Variants in FAIM2 observed in about 807,000 individuals in gnomAD.
FAIM2 encodes the protein Fas apoptotic inhibitory molecule 2.
Under a neutral mutation model 47.4 loss-of-function variants are expected in FAIM2, and 27 were observed. The observed-to-expected ratio is 0.57, with a 90% CI of 0.42 to 0.78. FAIM2 has a LOEUF of 0.78. Among genes scored for constraint, FAIM2 ranks in the 30% least tolerant of loss-of-function variants. The pLI is 0.00. For synonymous variants in FAIM2, 156 were observed against 159.3 expected (o/e 0.98, Z 0.16); for missense variants, 311 against 389.4 (o/e 0.80, Z 1.69).
rs1196561714 is a variant in FAIM2 at position 49,878,661 on chromosome 12, T to TGGCGC, written c.802-8009_802-8008insGCGCC. 6.8e-4 allele frequency among the ~76,000 whole-genome samples: 93 copies of TGGCGC among 136,014 alleles called. 6 individuals are homozygous for TGGCGC. The highest frequency in any genetic ancestry group is 2.5e-3 in the African/African-American group (90 of 35,378). The allele number at this position is 136,014 out of a possible 152,430, so 89.2% of individuals were successfully genotyped here. A position where few individuals can be genotyped will look rare whatever the true frequency, so the allele number is the denominator to read the frequency against. On this transcript the variant is annotated intron_variant, in intron 11 of 11. Coordinates refer to ENST00000320634, the MANE Select transcript of FAIM2 (RefSeq NM_012306.4). ...GCCCTTGTATATATGTGCGCTTGTA[T>TGGCGC]GTGCATGTGTGTATGTGTGTATATG...
chr12:49,879,241 CAT>C (rs1565613847), intron 11 of FAIM2, among the ~76,000 whole-genome samples: 3 of 104,328 alleles, frequency 2.9e-5, no homozygotes, highest in African/African-American at 1.4e-4. Context: ...TGTATGCATG[CAT>C]GTGTGTGCAT....
chr12:49,897,001 GA>G, intron 5 of FAIM2, 29 bp downstream of exon 5: 1 of 1,589,132 alleles, frequency 6.3e-7, no homozygotes, highest in Non-Finnish European at 8.6e-7. Context: ...GCCTTCTCTG[GA>G]AGGGGACTGG....
intron 11 of FAIM2, among the ~76,000 whole-genome samples, chr12:49,878,342 G>A (rs1323644806): frequency 7.3e-6 from 1 of 136,254 alleles, no homozygotes; most frequent in African/African-American, 2.8e-5. Flanking sequence ...GCATGTGAGT[G>A]TATGTGTGTG....
At position 49,882,946 on chromosome 12, in the gene FAIM2, G is replaced by A. The variant is rs116944906; in HGVS notation, c.801+4440C>T. ...AGAAAAATACATAGTGTGTCAGAAT[G>A]AGATGCGCTACAGAGAGAGGGAAAT... is the stretch of plus-strand genomic sequence containing the variant. On this transcript the variant is annotated intron_variant, in intron 11 of 11. Transcript: ENST00000320634. Among the ~76,000 whole-genome samples, 781 of 152,312 alleles carry A rather than the reference G, an allele frequency of 5.1e-3. 4 individuals are homozygous for A. The highest frequency in any genetic ancestry group is 8.0e-3 in the Non-Finnish European group (547 of 68,030).
intron 11 of FAIM2, among the ~76,000 whole-genome samples, chr12:49,879,553 T>C (rs1040613093): frequency 6.6e-6 from 1 of 151,628 alleles, no homozygotes; most frequent in Non-Finnish European, 1.5e-5. Context: ...TGTATGGGTG[T>C]ATGTGCATGC....
At chr12:49,879,787 T>A (rs904249676) in intron 11 of FAIM2, among the ~76,000 whole-genome samples, 1 of 151,298 alleles carries the variant, frequency 6.6e-6, no homozygotes, top group South Asian at 2.1e-4. Flanking sequence ...TATGTGCATG[T>A]GTGTATGTGT....
At chr12:49,889,855 G>C (rs528385393) in intron 8 of FAIM2, among the ~76,000 whole-genome samples, 4 of 152,132 alleles carry the variant, frequency 2.6e-5, no homozygotes, top group Non-Finnish European at 4.4e-5. Context: ...GTAACTGCAG[G>C]TCATGAGTCT....
rs546785192 is a variant in FAIM2, at chr12:49,884,517, G to A, written c.801+2869C>T. ...GCAATACTGATGACAGAGAGAGAGAGAAAAATTCCTGGAGAGAACTCCTCA... is the reference window on the plus strand; with the variant it reads ...GCAATACTGATGACAGAGAGAGAGAAAAAAATTCCTGGAGAGAACTCCTCA... On this transcript the variant is annotated intron_variant, in intron 11 of 11. Transcript: ENST00000320634. Among the ~76,000 whole-genome samples, 131 of 152,254 alleles carry A rather than the reference G, an allele frequency of 8.6e-4. 1 individual carries two copies. The highest frequency in any genetic ancestry group is 2.8e-3 in the African/African-American group (116 of 41,534).
At chr12:49,885,994 TC>T (rs1263537661) in intron 11 of FAIM2, among the ~76,000 whole-genome samples, 1 of 152,074 alleles carries the variant, frequency 6.6e-6, no homozygotes, top group Non-Finnish European at 1.5e-5. Context: ...CACAGCTCTC[TC>T]CCCATCCCTT....
At chr12:49,902,101 G>A (rs1175695526) in intron 1 of FAIM2, 1 of 152,260 alleles carries the variant, frequency 6.6e-6, no homozygotes, top group African/African-American at 2.4e-5. Context: ...TCACTGAACA[G>A]ATGAGGAAAC....
intron 2 of FAIM2, chr12:49,900,373 G>A: frequency 2.9e-6 from 1 of 346,412 alleles, no homozygotes; most frequent in Admixed American, 4.1e-5. Context: ...AGGGGCTAAG[G>A]AGGATTTCCT....
chr12:49,878,229 TGA>T lies in FAIM2; in HGVS notation c.802-7578_802-7577del, dbSNP rs1448737098. Among the ~76,000 whole-genome samples, 9 of 132,386 alleles carry T rather than the reference TGA, an allele frequency of 6.8e-5. 3 individuals carry two copies. The highest frequency in any genetic ancestry group is 1.7e-4 in the Admixed American group (2 of 11,550). The allele number at this position is 132,386 out of a possible 152,430, so 86.9% of individuals were successfully genotyped here. A position where few individuals can be genotyped will look rare whatever the true frequency, so the allele number is the denominator to read the frequency against. ...GTATGTGCTTGTGTGTATATGTGCATGAGTGTATGTGTGTATATGTGAGTGTA... is the reference window on the plus strand; with the variant it reads ...GTATGTGCTTGTGTGTATATGTGCATGTGTATGTGTGTATATGTGAGTGTA... On this transcript the variant is annotated intron_variant, in intron 11 of 11. Transcript: ENST00000320634.
Position 49,874,704 on chromosome 12 carries a change from G to A in FAIM2, c.802-4051C>T, listed in dbSNP as rs1946724292. 6.6e-6 allele frequency among the ~76,000 whole-genome samples: 1 copy of A among 152,226 alleles called. No homozygotes were observed. The highest frequency in any genetic ancestry group is 1.5e-5 in the Non-Finnish European group (1 of 68,044). ...GAATACAAAAAGCTGGGGTTGCAAT[G>A]TGTTGTATCAGCATAAACAGTGCCA... On this transcript the variant is annotated intron_variant, in intron 11 of 11. Transcript: ENST00000320634. This position sits in a 1 kb window ranked among gnomAD's most constrained non-coding sequence, Gnocchi z 4.2.
rs200244697 is a variant in FAIM2, at chr12:49,889,194, G to A, written c.660C>T (p.Phe220=). ...TVFSFQTKFD[F]TSCQGVLFVL... Reference sequence around the variant, plus strand: ...CGAAGAGCACGCCCTGGCAGGAGGTGAAGTCGAACTGTGGGGACAGGATGG... The same window carrying A: ...CGAAGAGCACGCCCTGGCAGGAGGTAAAGTCGAACTGTGGGGACAGGATGG... Residue 220 remains phenylalanine, a synonymous_variant, in exon 10 of 12, where the codon TTC becomes TTT. Transcript: ENST00000320634. 3.1e-6 allele frequency: 5 copies of A among 1,610,196 alleles called. No individual in the cohort carries two copies. In the Admixed American group the frequency reaches 8.4e-5, roughly 27 times the overall value.
intron 11 of FAIM2, among the ~76,000 whole-genome samples, chr12:49,886,355 G>A (rs1946861072): frequency 6.6e-6 from 1 of 152,172 alleles, no homozygotes. Flanking sequence ...AGACCCCAAG[G>A]GGGACACACA....
Position 49,901,295 on chromosome 12 carries a change from C to A in FAIM2, c.46G>T (p.Glu16Ter). 1 of 1,602,100 alleles carries A rather than the reference C, an allele frequency of 6.2e-7. No homozygotes were observed. Among genetic ancestry groups the A allele is most frequent in the Non-Finnish European group, 8.5e-7 (1 of 1,175,392 alleles). Residue 16 changes from glutamate (E) to a stop codon, truncating the protein, a stop_gained, in exon 2 of 12, where the codon GAG becomes TAG. Coordinates refer to ENST00000320634, the MANE Select transcript of FAIM2 (RefSeq NM_012306.4). LOFTEE classifies it high-confidence loss of function. Reference sequence around the variant, plus strand: ...TCGCCATGCACCTGCTGCTGCCCCTCGGTCCCAGGGGCCTTGTTAGCCACG... The same window carrying A: ...TCGCCATGCACCTGCTGCTGCCCCTAGGTCCCAGGGGCCTTGTTAGCCACG... ...LSVANKAPGT[E>*]GQQQVHGEKK...
rs11169192 is a variant in FAIM2, at chr12:49,880,534, G to A, written c.801+6852C>T. On this transcript the variant is annotated intron_variant, in intron 11 of 11. Transcript: ENST00000320634. ...TGTGTATGTGCATGTGTATATGTGC[G>A]TGTGTATGTATGCATGCGTGTGTGT... 7.1e-4 allele frequency among the ~76,000 whole-genome samples: 81 copies of A among 114,848 alleles called. 1 individual carries two copies. Among genetic ancestry groups the A allele is most frequent in the African/African-American group, 3.1e-3 (79 of 25,356 alleles). 75.3% of individuals were successfully genotyped at this position (114,848 alleles called of 152,430 possible). A position where few individuals can be genotyped will look rare whatever the true frequency, so the allele number is the denominator to read the frequency against.
At chr12:49,888,385 A>G (rs1188676022) in intron 10 of FAIM2, among the ~76,000 whole-genome samples, 3 of 152,140 alleles carry the variant, frequency 2.0e-5, no homozygotes, top group Non-Finnish European at 4.4e-5. Context: ...AGAAAAGGGC[A>G]GTGGGGGACT....
At chr12:49,889,313 T>C in intron 9 of FAIM2, 111 bp from the exon 10 acceptor site, 1 of 1,011,262 alleles carries the variant, frequency 9.9e-7, no homozygotes, top group Non-Finnish European at 1.5e-6. Context: ...CCCAAGAACC[T>C]GGCATTCCTT....
Sources: allele counts gnomAD v4.1 joint callset (sites outside exome capture counted in the v4.1 genomes callset), GRCh38; gene constraint gnomAD v4.1.1; non-coding constraint Gnocchi (gnomAD v3.1); transcripts MANE v1.5; gene names NCBI Gene and HGNC (gene_info 2026-07-23, HGNC 2026-07-21).